Variants in CTCF observed in about 807,000 individuals in gnomAD.
CTCF encodes CCCTC-binding factor, also known as transcriptional repressor CTCF.
A neutral mutation model predicts 72.3 loss-of-function variants in CTCF; 7 were observed. The ratio of observed to expected loss-of-function variants is 0.10; its 90% CI spans 0.06 to 0.18. The LOEUF is 0.18. Ranked by LOEUF, CTCF falls within the 10% of genes least tolerant of loss-of-function variation. CTCF has a pLI of 1.00. For missense variants in CTCF, 516 were observed against 949.1 expected (o/e 0.54, Z 6.00); for synonymous variants, 374 against 315.8 (o/e 1.18, Z -1.95).
At chr16:67,564,545 A>G (rs1243024749) in intron 1 of CTCF, among the ~76,000 whole-genome samples, 1 of 152,242 alleles carries the variant, frequency 6.6e-6, no homozygotes, top group Non-Finnish European at 1.5e-5. Context: ...TAAATGCAGT[A>G]GCGTTGATTG....
intron 2 of CTCF, among the ~76,000 whole-genome samples, chr16:67,600,843 G>A (rs192931371): frequency 3.0e-4 from 46 of 152,162 alleles, no homozygotes; most frequent in Admixed American, 7.9e-4. Flanking sequence ...AAAAAAATGT[G>A]TCCTGTAAGT....
chr16:67,593,218 A>G (rs1175052394), intron 2 of CTCF, among the ~76,000 whole-genome samples: 4 of 151,910 alleles, frequency 2.6e-5, no homozygotes, highest in African/African-American at 9.7e-5. Context: ...ATTCGGGGGT[A>G]CATGTCCAAG....
intron 2 of CTCF, among the ~76,000 whole-genome samples, chr16:67,588,814 G>C (rs573405750): frequency 9.9e-5 from 15 of 152,186 alleles, no homozygotes; most frequent in African/African-American, 3.6e-4. Context: ...AGCCTCCCAA[G>C]TAGCTGGGAT....
intron 5 of CTCF, among the ~76,000 whole-genome samples, chr16:67,618,934 A>G (rs2052166923): frequency 6.6e-6 from 1 of 152,248 alleles, no homozygotes; most frequent in Non-Finnish European, 1.5e-5. Flanking sequence ...TGAAAATAGA[A>G]TGAGGGGCTT....
chr16:67,629,032 A>G (rs1691364596), intron 9 of CTCF, among the ~76,000 whole-genome samples: 1 of 151,926 alleles, frequency 6.6e-6, no homozygotes, highest in Non-Finnish European at 1.5e-5. Flanking sequence ...AGCCTGGGCG[A>G]AAGAGCAAGA....
At chr16:67,584,337 C>CTTTTTTTTTTTTTTTTTTTTT (rs904086024) in intron 2 of CTCF, among the ~76,000 whole-genome samples, 1 of 105,860 alleles carries the variant, frequency 9.4e-6, no homozygotes, top group African/African-American at 4.3e-5. Context: ...AAAAAGTCTT[C>CTTTTTTTTTTTTTTTTTTTTT]TTTTTTTTTT....
Position 67,610,947 on chromosome 16 carries a change from C to G in CTCF, c.115C>G (p.His39Asp), listed in dbSNP as rs1474117347. 1.0e-5 allele frequency: 16 copies of G among 1,567,914 alleles called. No individual in the cohort carries two copies. Among genetic ancestry groups the G allele is most frequent in the Non-Finnish European group, 1.4e-5 (16 of 1,153,468 alleles). Residue 39 changes from histidine (H) to aspartate (D), a missense_variant, in exon 3 of 12, where the codon CAC becomes GAC. Transcript: ENST00000264010. ...AGGGGGCCAGGAAGAAGATGCCTGC[C>G]ACTTACCCCAGAACCAGACGGATGG... The part of the protein sequence containing the change: ...REGGQEEDAC[H>D]LPQNQTDGGE...
At chr16:67,616,553 C>T (rs1024613202) in intron 4 of CTCF, 192 bp from the exon 5 acceptor site, 9 of 611,458 alleles carry the variant, frequency 1.5e-5, no homozygotes, top group East Asian at 7.9e-5. Flanking sequence ...GTTATAATAT[C>T]CTGGTGTTAG....
At chr16:67,598,859 GTGGATT>G (rs2051849385) in intron 2 of CTCF, among the ~76,000 whole-genome samples, 1 of 152,238 alleles carries the variant, frequency 6.6e-6, no homozygotes. Context: ...AAAAGCCTCG[GTGGATT>G]TACCAATTAA....
intron 2 of CTCF, among the ~76,000 whole-genome samples, chr16:67,595,292 G>C (rs2051796697): frequency 6.6e-6 from 1 of 151,970 alleles, no homozygotes; most frequent in Admixed American, 6.6e-5. Context: ...CAAGTAGCTG[G>C]AACTATAGGT....
chr16:67,623,583 C>T (rs1477071352), intron 7 of CTCF, among the ~76,000 whole-genome samples: 1 of 151,428 alleles, frequency 6.6e-6, no homozygotes, highest in African/African-American at 2.4e-5. Flanking sequence ...TGCAACGAGC[C>T]GAGATCGTGC....
At chr16:67,622,872 G>A (rs1038319545) in intron 7 of CTCF, among the ~76,000 whole-genome samples, 2 of 147,064 alleles carry the variant, frequency 1.4e-5, no homozygotes, top group African/African-American at 2.5e-5. Context: ...ATGTTGGCCA[G>A]GCTGGTCTTG....
rs147410298 is a variant in CTCF at position 67,569,683 on chromosome 16, T to G, written c.-126-1465T>G. On this transcript the variant is annotated intron_variant, in intron 1 of 11. Transcript: ENST00000264010. ...GGTCAGTAAAAGCTCCTTTTGCCAG[T>G]TATCTTTTTTTTTTTTTAATGAGAC... 7.2e-3 allele frequency among the ~76,000 whole-genome samples: 1,093 copies of G among 151,830 alleles called. 18 individuals carry two copies. The highest frequency in any genetic ancestry group is 0.025 in the African/African-American group (1,050 of 41,360).
intron 1 of CTCF, chr16:67,563,650 C>T (rs1288195660): frequency 6.6e-6 from 1 of 152,206 alleles, no homozygotes; most frequent in East Asian, 1.9e-4. Flanking sequence ...ACTCCCCAGC[C>T]GAGTGATAGC....
At chr16:67,564,745 G>A (rs1173177422) in intron 1 of CTCF, among the ~76,000 whole-genome samples, 1 of 152,212 alleles carries the variant, frequency 6.6e-6, no homozygotes, top group African/African-American at 2.4e-5. Flanking sequence ...CGAGCCAGGA[G>A]TAAAGCTTGT....
At chr16:67,600,943 C>T (rs1164150727) in intron 2 of CTCF, among the ~76,000 whole-genome samples, 2 of 151,892 alleles carry the variant, frequency 1.3e-5, no homozygotes, top group East Asian at 3.9e-4. Flanking sequence ...AAGGCATGGG[C>T]GACTCAAGCA....
rs1597734673 is a variant in CTCF at position 67,638,160 on chromosome 16, T to C, written c.*288T>C. On this transcript the variant is annotated 3_prime_UTR_variant, in exon 12 of 12. Transcript: ENST00000264010. Reference sequence around the variant, plus strand: ...GTTTTCCTAGATGGAAACGGAGACATTGACCCCTCCCTCCATGTGGTAAAC... The same window carrying C: ...GTTTTCCTAGATGGAAACGGAGACACTGACCCCTCCCTCCATGTGGTAAAC... 1 of 346,662 alleles carries C rather than the reference T, an allele frequency of 2.9e-6. No homozygotes were observed. Among genetic ancestry groups the C allele is most frequent in the Non-Finnish European group, 5.2e-6 (1 of 190,756 alleles). The allele number at this position is 346,662 out of a possible 1,614,324, so 21.5% of individuals were successfully genotyped here.
chr16:67,624,501 C>A (rs1276657623), intron 7 of CTCF, among the ~76,000 whole-genome samples: 1 of 152,142 alleles, frequency 6.6e-6, no homozygotes, highest in Admixed American at 6.6e-5. Context: ...GACACTAAAT[C>A]CTGTTGGTTT....
At chr16:67,632,089 A>AAAAAAAG (rs1213180484) in intron 10 of CTCF, among the ~76,000 whole-genome samples, 1 of 150,164 alleles carries the variant, frequency 6.7e-6, no homozygotes, top group Admixed American at 6.6e-5. Flanking sequence ...AAAAAAAAAA[A>AAAAAAAG]GGGAAAAAAA....
Sources: gnomAD v4.1 joint callset for allele counts (sites outside exome capture counted in the v4.1 genomes callset) on GRCh38, gnomAD v4.1.1 for gene constraint, MANE v1.5 for transcripts, NCBI Gene and HGNC (gene_info 2026-07-23, HGNC 2026-07-21) for gene names.